PAN3: variants seen among roughly 807,000 people sequenced by gnomAD.
PAN3 encodes the protein poly(A) specific ribonuclease subunit PAN3.
PAN3 carries 19 observed loss-of-function variants against 96.2 expected under a neutral mutation model. That is an observed-to-expected ratio of 0.20 (90% CI 0.14 to 0.29). The LOEUF (loss-of-function observed/expected upper bound fraction) is 0.29. Among genes scored for constraint, PAN3 ranks in the 10% least tolerant of loss-of-function variants. PAN3 has a pLI of 1.00. For missense variants in PAN3, 882 were observed against 1,108.1 expected, an observed-to-expected ratio of 0.80 and a Z score of 2.90; for synonymous variants, 433 against 406.6, an observed-to-expected ratio of 1.06 and a Z score of -0.78.
intron 16 of PAN3, 48 bp from the exon 17 acceptor site, chr13:28,281,267 C>A: frequency 6.6e-7 from 1 of 1,512,728 alleles, no homozygotes; most frequent in South Asian, 1.1e-5. Context: ...CTTTTATGTT[C>A]AGTTATCTGG....
intron 9 of PAN3, among the ~76,000 whole-genome samples, chr13:28,265,540 A>G (rs1593597090): frequency 6.6e-6 from 1 of 152,214 alleles, no homozygotes; most frequent in Admixed American, 6.5e-5. Context: ...CATTTATGAA[A>G]TAGGGAATTC....
intron 3 of PAN3, 55 bp from the exon 4 acceptor site, chr13:28,177,810 G>T: frequency 7.1e-7 from 1 of 1,415,602 alleles, no homozygotes; most frequent in Non-Finnish European, 1.0e-6. Context: ...ACAGTTATTA[G>T]ATTTGCGGGT....
chr13:28,172,257 C>T (rs1874400002), intron 1 of PAN3, among the ~76,000 whole-genome samples: 2 of 152,102 alleles, frequency 1.3e-5, no homozygotes, highest in Admixed American at 1.3e-4. Flanking sequence ...AGATTGAGAC[C>T]ATCCTGGCTA....
chr13:28,254,961 A>T (rs946304372), intron 6 of PAN3, among the ~76,000 whole-genome samples: 1 of 152,146 alleles, frequency 6.6e-6, no homozygotes, highest in Non-Finnish European at 1.5e-5. Flanking sequence ...AGAAATAATT[A>T]TGTTGAGGCT....
intron 5 of PAN3, among the ~76,000 whole-genome samples, chr13:28,216,212 G>C (rs1401997309): frequency 6.9e-6 from 1 of 144,882 alleles, no homozygotes; most frequent in African/African-American, 2.6e-5. Flanking sequence ...AAAAAAAAAA[G>C]CCAGGTAAAA....
At chr13:28,205,129 C>G (rs949102571) in intron 5 of PAN3, among the ~76,000 whole-genome samples, 1 of 151,932 alleles carries the variant, frequency 6.6e-6, no homozygotes, top group African/African-American at 2.4e-5. Context: ...TGGAAACTCA[C>G]TAGATTTACT....
intron 18 of PAN3, among the ~76,000 whole-genome samples, chr13:28,289,388 C>T (rs1869416285): frequency 6.6e-6 from 1 of 152,080 alleles, no homozygotes. Flanking sequence ...GTCCTCCTTC[C>T]CACCTCAGTC....
intron 6 of PAN3, among the ~76,000 whole-genome samples, chr13:28,254,400 T>C (rs1020733687): frequency 6.6e-6 from 1 of 152,234 alleles, no homozygotes; most frequent in Non-Finnish European, 1.5e-5. Flanking sequence ...TTGAAAGGGC[T>C]CAAGAATTGT....
intron 4 of PAN3, among the ~76,000 whole-genome samples, chr13:28,194,769 C>T (rs1228458195): frequency 6.6e-6 from 1 of 151,914 alleles, no homozygotes; most frequent in African/African-American, 2.4e-5. Flanking sequence ...CGTTCCCGGC[C>T]AAATATAAAT....
intron 5 of PAN3, among the ~76,000 whole-genome samples, chr13:28,208,217 A>T (rs1879600405): frequency 6.6e-6 from 1 of 152,210 alleles, no homozygotes; most frequent in Non-Finnish European, 1.5e-5. Context: ...GGAATATGAC[A>T]AATAGGTTTT....
At chr13:28,180,362 C>G (rs1424554728) in intron 4 of PAN3, among the ~76,000 whole-genome samples, 1 of 152,024 alleles carries the variant, frequency 6.6e-6, no homozygotes, top group African/African-American at 2.4e-5. Context: ...CAGTAGTGAG[C>G]AATATAGTTA....
chr13:28,232,222 C>T (rs1024197413), intron 6 of PAN3, among the ~76,000 whole-genome samples: 1 of 152,098 alleles, frequency 6.6e-6, no homozygotes, highest in Non-Finnish European at 1.5e-5. Context: ...TAGAAATTTC[C>T]AAGAAGTGAC....
At chr13:28,227,866 T>C (rs1460230065) in intron 6 of PAN3, among the ~76,000 whole-genome samples, 2 of 152,208 alleles carry the variant, frequency 1.3e-5, no homozygotes, top group Non-Finnish European at 2.9e-5. Flanking sequence ...AGGGGAGTTT[T>C]GTTTCAGCAA....
intron 6 of PAN3, among the ~76,000 whole-genome samples, chr13:28,239,140 C>A: frequency 7.7e-5 from 2 of 25,946 alleles, no homozygotes; most frequent in African/African-American, 1.3e-4. Context: ...TAATCCCACC[C>A]CCCCCACCCC....
intron 4 of PAN3, among the ~76,000 whole-genome samples, chr13:28,187,350 A>C (rs1876619043): frequency 6.6e-6 from 1 of 152,134 alleles, no homozygotes; most frequent in Non-Finnish European, 1.5e-5. Context: ...AATTTTTTTC[A>C]CTCAAAATAT....
At position 28,244,090 on chromosome 13, in the gene PAN3, A is replaced by G. The variant is rs751721429; in HGVS notation, c.1001-12202A>G. On this transcript the variant is annotated intron_variant, in intron 6 of 18. Transcript: ENST00000380958. ...GTTCGAGGCATTTTTCTTTTCTGCA[A>G]ACTGGCTAGTTGTATAATTTGTTCA... Among the ~76,000 whole-genome samples the G allele has an allele frequency of 3.9e-5, 6 of 152,168 alleles. No individual in the cohort carries two copies. In the South Asian group the frequency reaches 6.2e-4, roughly 16 times the overall value.
Position 28,256,195 on chromosome 13 carries a change from A to G in PAN3, c.1001-97A>G, listed in dbSNP as rs1055721675. ...CTTTGCACTTACGATCCCAAAGATGATGTTTCTTCCAAATGAATGTTTGCA... is the reference window on the plus strand; with the variant it reads ...CTTTGCACTTACGATCCCAAAGATGGTGTTTCTTCCAAATGAATGTTTGCA... On this transcript the variant is annotated intron_variant, in intron 6 of 18. Transcript: ENST00000380958. 1.8e-5 allele frequency: 23 copies of G among 1,280,206 alleles called. No homozygotes were observed. In the African/African-American group the frequency reaches 2.8e-4, roughly 16 times the overall value. 79.3% of individuals were successfully genotyped at this position (1,280,206 alleles called of 1,614,324 possible).
At chr13:28,163,843 TGTAAG>T (rs2138042790) in intron 1 of PAN3, among the ~76,000 whole-genome samples, 1 of 152,314 alleles carries the variant, frequency 6.6e-6, no homozygotes, top group East Asian at 1.9e-4. Context: ...TAAATATTGG[TGTAAG>T]GTATTCAGTT....
chr13:28,220,137 T>G, intron 5 of PAN3, 94 bp from the exon 6 acceptor site: 1 of 1,178,566 alleles, frequency 8.5e-7, no homozygotes, highest in South Asian at 1.8e-5. Flanking sequence ...TATATTTTAC[T>G]TAGTAAATAA....
Sources: allele counts gnomAD v4.1 joint callset (sites outside exome capture counted in the v4.1 genomes callset), GRCh38; gene constraint gnomAD v4.1.1; transcripts MANE v1.5; gene names NCBI Gene and HGNC (gene_info 2026-07-23, HGNC 2026-07-21).